Variants in ZNF487 observed in about 807,000 individuals in gnomAD.
ZNF487 encodes KRAB domain only 1.
In ZNF487, 4 loss-of-function variants were observed where a neutral mutation model predicts 3.0. The observed-to-expected ratio is 1.35, with a 90% CI of 0.66 to 3.08. The LOEUF is 3.08. Ranked by LOEUF, ZNF487 falls within the 30% of genes most tolerant of loss-of-function variation. The pLI, the probability that ZNF487 is intolerant of heterozygous loss-of-function variation, is 0.01. For synonymous variants in ZNF487, 55 were observed against 34.6 expected (o/e 1.59, Z -2.06); for missense variants, 146 against 98.7 (o/e 1.48, Z -2.03).
At chr10:43,442,286 A>G (rs1404089223) in intron 1 of ZNF487, among the ~76,000 whole-genome samples, 2 of 152,116 alleles carry the variant, frequency 1.3e-5, no homozygotes, top group African/African-American at 2.4e-5. Flanking sequence ...AAACAAAGAA[A>G]AAAACTCTTG....
the ZNF487 span, among the ~76,000 whole-genome samples, chr10:43,489,435 C>T: frequency 6.6e-6 from 1 of 152,158 alleles, no homozygotes; most frequent in East Asian, 1.9e-4. Flanking sequence ...CTCACTGCAA[C>T]CTCCACCTCC....
chr10:43,454,397 CAG>C (rs1343193889), intron 1 of ZNF487: 2 of 152,184 alleles, frequency 1.3e-5, no homozygotes, highest in African/African-American at 4.8e-5. Context: ...AAGCTGAGGA[CAG>C]TGTTTATTAT....
chr10:43,476,061 C>T (rs1841089376), intron 2 of ZNF487, 46 bp from the exon 3 acceptor site: 2 of 712,196 alleles, frequency 2.8e-6, no homozygotes, highest in Non-Finnish European at 5.2e-6. Context: ...CACCTTTGTC[C>T]TCCGCAGGCT....
At chr10:43,479,468 T>G (rs1841229197) in intron 3 of ZNF487, among the ~76,000 whole-genome samples, 1 of 152,164 alleles carries the variant, frequency 6.6e-6, no homozygotes, top group Non-Finnish European at 1.5e-5. Flanking sequence ...TAAACTAAAA[T>G]AGAAAAGAAT....
chr10:43,468,817 GTC>G (rs376842562), intron 1 of ZNF487, among the ~76,000 whole-genome samples: 4,181 of 150,784 alleles, frequency 0.028, 93 homozygotes, highest in South Asian at 0.041. Context: ...GTGAAACCCC[GTC>G]TCTACTAAAA....
chr10:43,518,998 T>A, the ZNF487 span, among the ~76,000 whole-genome samples: 1 of 152,320 alleles, frequency 6.6e-6, no homozygotes, highest in Middle Eastern at 3.4e-3. Flanking sequence ...TCACTTCATA[T>A]TTTTAATTCA....
chr10:43,468,772 G>A (rs1276922887), intron 1 of ZNF487, among the ~76,000 whole-genome samples: 1 of 149,868 alleles, frequency 6.7e-6, no homozygotes, highest in African/African-American at 2.4e-5. Context: ...GGCGGATCAC[G>A]AGGTCAGGAG....
intron 1 of ZNF487, chr10:43,458,229 A>G (rs906609970): frequency 2.0e-5 from 3 of 152,310 alleles, no homozygotes; most frequent in Non-Finnish European, 2.9e-5. Flanking sequence ...ACATGCGCCA[A>G]TGTGGGCAGA....
At chr10:43,491,056 T>C in the ZNF487 span, among the ~76,000 whole-genome samples, 2 of 148,060 alleles carry the variant, frequency 1.4e-5, no homozygotes, top group Non-Finnish European at 3.0e-5. Context: ...TACCTCTGCC[T>C]CGCAGGTTCA....
At chr10:43,469,005 A>G (rs1173381717) in intron 1 of ZNF487, among the ~76,000 whole-genome samples, 3 of 150,582 alleles carry the variant, frequency 2.0e-5, no homozygotes, top group Non-Finnish European at 3.0e-5. Context: ...AAAAAAAAAA[A>G]AAAAAAAAAG....
At chr10:43,522,755 T>A in the ZNF487 span, among the ~76,000 whole-genome samples, 1 of 151,814 alleles carries the variant, frequency 6.6e-6, no homozygotes, top group Non-Finnish European at 1.5e-5. Context: ...ATAAAAAAAA[T>A]AAAAACAAAG....
At chr10:43,521,583 G>T in the ZNF487 span, among the ~76,000 whole-genome samples, 6 of 152,114 alleles carry the variant, frequency 3.9e-5, no homozygotes, top group Non-Finnish European at 5.9e-5. Flanking sequence ...ATGTGTGCTG[G>T]GTGACTGAAG....
In ZNF487 at chr10:43,476,166, A is replaced by G; in HGVS notation, c.94A>G (p.Ile32Val). 2.8e-6 allele frequency: 2 copies of G among 717,486 alleles called. No homozygotes were observed. The highest frequency in any genetic ancestry group is 1.5e-5 in the South Asian group (1 of 67,598). 44.4% of individuals were successfully genotyped at this position (717,486 alleles called of 1,614,324 possible). The stretch of plus-strand genomic sequence containing the variant: ...GTTGGAGCATGGACAGGTGCTGTGG[A>G]TATTAGAGGAAGAGTCCCCAAGTCA... ...CKLEHGQVLW[I>V]LEEESPSQSH... The change falls in exon 3 of 4, where the codon ATA (isoleucine) becomes GTA (valine). Residue 32 changes from isoleucine to valine, a missense_variant. Physicochemically the swap from Ile to Val is conservative, Grantham distance 29. Coordinates refer to ENST00000437590, the MANE Select transcript of ZNF487 (RefSeq NM_001355444.3).
At chr10:43,463,885 A>G (rs912784068) in intron 1 of ZNF487, among the ~76,000 whole-genome samples, 1 of 151,888 alleles carries the variant, frequency 6.6e-6, no homozygotes, top group African/African-American at 2.4e-5. Flanking sequence ...AAAATTAACA[A>G]ATGTTGCCTG....
the ZNF487 span, among the ~76,000 whole-genome samples, chr10:43,509,215 A>G: frequency 6.6e-6 from 1 of 151,190 alleles, no homozygotes. Context: ...AAGAATTGAA[A>G]CTTGTATGAA....
At chr10:43,479,966 C>CTTTCT (rs776184621) in intron 3 of ZNF487, among the ~76,000 whole-genome samples, 8 of 48,256 alleles carry the variant, frequency 1.7e-4, no homozygotes, top group African/African-American at 3.6e-4. Context: ...CTCTTTCTTT[C>CTTTCT]TTTCTTTTCT....
At chr10:43,437,014 G>A (rs564791638), upstream of ZNF487, 12 of 383,630 alleles carry the variant, frequency 3.1e-5, no homozygotes, top group South Asian at 1.8e-5. Context: ...GCCCCCGCTA[G>A]GCACGCGGGA....
chr10:43,483,179 C>T lies in ZNF487; in HGVS notation c.*1257C>T, dbSNP rs1448917720. On this transcript the variant is annotated 3_prime_UTR_variant, in exon 4 of 4. Coordinates refer to ENST00000437590, the MANE Select transcript of ZNF487 (RefSeq NM_001355444.3). ...CCAATAAAGATGAGAAATCTTTTGC[C>T]TAGAAGTGATATTTCATTGAACAGC... The T allele has an allele frequency of 2.4e-6, 1 of 422,468 alleles. No individual in the cohort carries two copies. Among genetic ancestry groups the T allele is most frequent in the Admixed American group, 3.0e-5 (1 of 33,714 alleles). The allele number at this position is 422,468 out of a possible 1,614,324, so 26.2% of individuals were successfully genotyped here. A position where few individuals can be genotyped will look rare whatever the true frequency, so the allele number is the denominator to read the frequency against.
the ZNF487 span, among the ~76,000 whole-genome samples, chr10:43,491,971 G>A: frequency 6.6e-6 from 1 of 151,676 alleles, no homozygotes; most frequent in Non-Finnish European, 1.5e-5. Flanking sequence ...GCCTCACTCT[G>A]TTGCCAGGCT....
Sources: allele counts gnomAD v4.1 joint callset (sites outside exome capture counted in the v4.1 genomes callset), GRCh38; gene constraint gnomAD v4.1.1; transcripts MANE v1.5; gene names NCBI Gene and HGNC (gene_info 2026-07-23, HGNC 2026-07-21).